The following TUSC3 variants were observed in gnomAD, a reference collection of about 807,000 sequenced individuals.
TUSC3 encodes dolichyl-diphosphooligosaccharide--protein glycosyltransferase subunit TUSC3.
Under a neutral mutation model 44.8 loss-of-function variants are expected in TUSC3, and 45 were observed. The observed-to-expected ratio is 1.00, with a 90% CI of 0.79 to 1.29. The LOEUF is 1.29. Among genes scored for constraint, TUSC3 ranks in the 50% most tolerant of loss-of-function variants. The pLI is 0.00. For synonymous variants in TUSC3, 212 were observed against 152.9 expected (o/e 1.39, Z -2.85); for missense variants, 519 against 437.9 (o/e 1.19, Z -1.65).
chr8:15,740,109 T>G (rs1811127119), intron 7 of TUSC3, among the ~76,000 whole-genome samples: 1 of 150,608 alleles, frequency 6.6e-6, no homozygotes, highest in African/African-American at 2.4e-5. Flanking sequence ...AAAATCAGAG[T>G]AAAGGTGAGA....
chr8:15,779,747 T>C, the TUSC3 span, among the ~76,000 whole-genome samples: 1 of 152,210 alleles, frequency 6.6e-6, no homozygotes, highest in Non-Finnish European at 1.5e-5. Flanking sequence ...AAAGTCATCA[T>C]TATATGTTTT....
intron 8 of TUSC3, among the ~76,000 whole-genome samples, chr8:15,745,635 T>G (rs1195771721): frequency 6.6e-6 from 1 of 152,006 alleles, no homozygotes. Context: ...TTTTTCTACT[T>G]TTTAATGGGG....
rs75886714 is a variant in TUSC3, at chr8:15,616,854, C to T, written c.139-6226C>T. Among the ~76,000 whole-genome samples, 6 of 152,186 alleles carry T rather than the reference C, an allele frequency of 3.9e-5. No individual in the cohort carries two copies. In the East Asian group the frequency reaches 7.8e-4, roughly 20 times the overall value. On this transcript the variant is annotated intron_variant, in intron 1 of 10. Coordinates refer to ENST00000503731, the MANE Select transcript of TUSC3 (RefSeq NM_006765.4). ...GATTTCCAAGTCAGAAGCAGGTCGC[C>T]GCATGCCTGGCCCAGCCACAGGCCA...
chr8:15,464,727 T>C (rs1800392363), intron 1 of TUSC3, among the ~76,000 whole-genome samples: 1 of 152,212 alleles, frequency 6.6e-6, no homozygotes. Flanking sequence ...TAAAGCAAAT[T>C]GATGTATCAT....
At chr8:15,500,562 C>G (rs1043286199) in intron 2 of TUSC3, among the ~76,000 whole-genome samples, 3 of 152,138 alleles carry the variant, frequency 2.0e-5, no homozygotes, top group African/African-American at 4.8e-5. Flanking sequence ...GAATGATTGT[C>G]TCTTATTTGC....
At chr8:15,589,360 A>C (rs567100471) in intron 1 of TUSC3, among the ~76,000 whole-genome samples, 4 of 152,266 alleles carry the variant, frequency 2.6e-5, no homozygotes, top group African/African-American at 9.6e-5. Context: ...ATCCATACGC[A>C]TGTTAAAGTT....
chr8:15,664,741 G>C (rs571893629), intron 5 of TUSC3, among the ~76,000 whole-genome samples: 1 of 149,332 alleles, frequency 6.7e-6, no homozygotes, highest in African/African-American at 2.4e-5. Flanking sequence ...ACTTATGTTT[G>C]ATGGCCTTTG....
the TUSC3 span, among the ~76,000 whole-genome samples, chr8:15,799,834 A>G: frequency 6.6e-6 from 1 of 152,192 alleles, no homozygotes; most frequent in African/African-American, 2.4e-5. Context: ...GATAGACCTC[A>G]TAAGACCCCA....
chr8:15,619,005 C>G (rs1482824635), intron 1 of TUSC3, among the ~76,000 whole-genome samples: 2 of 152,182 alleles, frequency 1.3e-5, no homozygotes, highest in Non-Finnish European at 2.9e-5. Context: ...AGTCATGGCT[C>G]TACCACTAGT....
intron 2 of TUSC3, among the ~76,000 whole-genome samples, chr8:15,534,952 C>G (rs934786110): frequency 1.5e-4 from 23 of 152,250 alleles, no homozygotes; most frequent in African/African-American, 5.1e-4. Context: ...GCTGTTGTTA[C>G]AGGCATACTA....
chr8:15,699,943 G>A (rs772770129), intron 6 of TUSC3, among the ~76,000 whole-genome samples: 1 of 152,034 alleles, frequency 6.6e-6, no homozygotes, highest in Non-Finnish European at 1.5e-5. Flanking sequence ...TTTTATAAAC[G>A]GGACTTGAGT....
In TUSC3 at chr8:15,579,464, A is replaced by G. The variant is rs1193429013; in HGVS notation, c.138+38896A>G. ...CTCTTGTGGGCATTTAGTGCTATAAATTTCCCTCTACACACTGCTTTGAAT... is the reference window on the plus strand; with the variant it reads ...CTCTTGTGGGCATTTAGTGCTATAAGTTTCCCTCTACACACTGCTTTGAAT... On this transcript the variant is annotated intron_variant, in intron 1 of 10. Coordinates refer to ENST00000503731, the MANE Select transcript of TUSC3 (RefSeq NM_006765.4). Among the ~76,000 whole-genome samples the G allele has an allele frequency of 4.2e-4, 21 of 49,500 alleles. No individual in the cohort carries two copies. In the Admixed American group the frequency reaches 4.5e-3, roughly 11 times the overall value. The allele number at this position is 49,500 out of a possible 152,430, so 32.5% of individuals were successfully genotyped here. A position where few individuals can be genotyped will look rare whatever the true frequency, so the allele number is the denominator to read the frequency against.
the TUSC3 span, among the ~76,000 whole-genome samples, chr8:15,848,360 G>T: frequency 6.6e-6 from 1 of 152,176 alleles, no homozygotes; most frequent in Non-Finnish European, 1.5e-5. Flanking sequence ...GAGCTGGTTG[G>T]AACAGGCTCT....
chr8:15,807,150 G>T, the TUSC3 span: 19 of 893,000 alleles, frequency 2.1e-5, no homozygotes, highest in Non-Finnish European at 2.8e-5. Context: ...ACTTGGCAAA[G>T]CAATCACAGC....
chr8:15,508,493 C>T (rs1260793559), intron 2 of TUSC3, among the ~76,000 whole-genome samples: 2 of 99,546 alleles, frequency 2.0e-5, no homozygotes, highest in African/African-American at 7.8e-5. Context: ...GAAGGAGTCT[C>T]TCTTGTTGCC....
chr8:15,704,444 T>G (rs1244384739), intron 6 of TUSC3, among the ~76,000 whole-genome samples: 2 of 151,856 alleles, frequency 1.3e-5, no homozygotes, highest in Non-Finnish European at 2.9e-5. Context: ...TTAATCTAAG[T>G]GATGTGGAAG....
chr8:15,801,635 C>G, the TUSC3 span, among the ~76,000 whole-genome samples: 1 of 151,992 alleles, frequency 6.6e-6, no homozygotes, highest in African/African-American at 2.4e-5. Flanking sequence ...GCAACTTGAT[C>G]AAAAACCCAG....
chr8:15,842,895 T>C, the TUSC3 span, among the ~76,000 whole-genome samples: 1 of 152,204 alleles, frequency 6.6e-6, no homozygotes, highest in South Asian at 2.1e-4. Context: ...TTGCCAATAA[T>C]TTTTGCTCAG....
intron 2 of TUSC3, among the ~76,000 whole-genome samples, chr8:15,641,190 T>A: frequency 6.6e-6 from 1 of 151,292 alleles, no homozygotes; most frequent in Admixed American, 6.6e-5. Flanking sequence ...GAAACCCCTG[T>A]CTCTACCAGA....
Sources: gnomAD v4.1 joint callset for allele counts (sites outside exome capture counted in the v4.1 genomes callset) on GRCh38, gnomAD v4.1.1 for gene constraint, MANE v1.5 for transcripts, NCBI Gene and HGNC (gene_info 2026-07-23, HGNC 2026-07-21) for gene names.